CADM2: variants seen among roughly 807,000 people sequenced by gnomAD.
The protein encoded by CADM2 is immunoglobulin superfamily member 4D.
Under a neutral mutation model 49.8 loss-of-function variants are expected in CADM2, and 12 were observed. That is an observed-to-expected ratio of 0.24 (90% CI 0.15 to 0.39). The LOEUF (loss-of-function observed/expected upper bound fraction) is 0.39, where lower values mean the gene tolerates loss of function less well. Ranked by LOEUF, CADM2 falls within the 10% of genes least tolerant of loss-of-function variation. The pLI is 1.00. For missense variants in CADM2, 378 were observed against 492.3 expected, an observed-to-expected ratio of 0.77 and a Z score of 2.20; for synonymous variants, 214 against 175.4, an observed-to-expected ratio of 1.22 and a Z score of -1.74.
chr3:86,058,924 T>G (rs1185814527), intron 8 of CADM2, among the ~76,000 whole-genome samples: 1 of 151,844 alleles, frequency 6.6e-6, no homozygotes, highest in Non-Finnish European at 1.5e-5. Context: ...TGAAACCCTG[T>G]CTCCACTAAA....
intron 6 of CADM2, among the ~76,000 whole-genome samples, chr3:85,926,726 G>T (rs984236035): frequency 6.6e-6 from 1 of 152,096 alleles, no homozygotes; most frequent in Non-Finnish European, 1.5e-5. Flanking sequence ...AAATGAGACA[G>T]TGGGTGTATT....
At chr3:85,402,317 TAA>T (rs1486379138) in intron 1 of CADM2, among the ~76,000 whole-genome samples, 1 of 151,942 alleles carries the variant, frequency 6.6e-6, no homozygotes, top group Non-Finnish European at 1.5e-5. Context: ...TTTAAATATA[TAA>T]GTTCTATTAT....
At chr3:85,817,164 G>C (rs1033927154) in intron 3 of CADM2, among the ~76,000 whole-genome samples, 1 of 152,166 alleles carries the variant, frequency 6.6e-6, no homozygotes, top group Non-Finnish European at 1.5e-5. Flanking sequence ...GTACCAAAGT[G>C]TGGGTATTTT....
intron 1 of CADM2, among the ~76,000 whole-genome samples, chr3:85,488,416 T>C (rs2039520383): frequency 6.6e-6 from 1 of 152,220 alleles, no homozygotes; most frequent in Non-Finnish European, 1.5e-5. Flanking sequence ...GTAGCCGTGA[T>C]GGGAATTTTT....
At chr3:85,934,970 G>A (rs1721026878) in intron 6 of CADM2, among the ~76,000 whole-genome samples, 3 of 151,910 alleles carry the variant, frequency 2.0e-5, no homozygotes. Flanking sequence ...CATAAAGAAA[G>A]AATGTGTTAA....
intron 3 of CADM2, among the ~76,000 whole-genome samples, chr3:85,814,166 A>G (rs965091520): frequency 1.3e-5 from 2 of 152,078 alleles, no homozygotes; most frequent in Non-Finnish European, 2.9e-5. Flanking sequence ...GATTCTTCCT[A>G]TCCATGAGCA....
At chr3:85,268,319 G>T (rs1261876755) in intron 1 of CADM2, among the ~76,000 whole-genome samples, 1 of 151,024 alleles carries the variant, frequency 6.6e-6, no homozygotes, top group African/African-American at 2.4e-5. Context: ...AACTATATTT[G>T]GATTAAAATG....
intron 1 of CADM2, among the ~76,000 whole-genome samples, chr3:85,045,827 C>T (rs1391143024): frequency 1.3e-5 from 2 of 152,070 alleles, no homozygotes; most frequent in Non-Finnish European, 2.9e-5. Context: ...AATAACTATA[C>T]ATTGGAAAAA....
At chr3:85,379,364 A>AATAAAG (rs1357199676) in intron 1 of CADM2, among the ~76,000 whole-genome samples, 8 of 151,988 alleles carry the variant, frequency 5.3e-5, no homozygotes, top group African/African-American at 1.9e-4. Context: ...GATGAAGGTA[A>AATAAAG]AAATAAATGT....
rs551769224 is a variant in CADM2 at position 86,017,201 on chromosome 3, A to G, written c.971-48404A>G. The stretch of plus-strand genomic sequence containing the variant: ...ATATATATATATATATATAATTTAC[A>G]CTATATAGATATGAGGCAATATGTT... On this transcript the variant is annotated intron_variant, in intron 8 of 9. Coordinates refer to ENST00000383699, the MANE Select transcript of CADM2 (RefSeq NM_001167675.2). 2.1e-3 allele frequency among the ~76,000 whole-genome samples: 319 copies of G among 148,606 alleles called. No individual in the cohort carries two copies. The South Asian group carries it at 0.024, about 11-fold the overall frequency.
At chr3:86,000,027 T>C (rs546071325) in intron 8 of CADM2, among the ~76,000 whole-genome samples, 1 of 152,178 alleles carries the variant, frequency 6.6e-6, no homozygotes, top group African/African-American at 2.4e-5. Context: ...ATAAAGCCAC[T>C]AAGGGTTCAA....
At chr3:85,009,907 A>ATAAATATT (rs1346009783) in intron 1 of CADM2, among the ~76,000 whole-genome samples, 2 of 148,264 alleles carry the variant, frequency 1.3e-5, no homozygotes, top group Non-Finnish European at 3.0e-5. Flanking sequence ...AAATAAATAA[A>ATAAATATT]TATTTTAAAA....
intron 1 of CADM2, among the ~76,000 whole-genome samples, chr3:85,011,650 C>T (rs1374676702): frequency 6.6e-6 from 1 of 151,982 alleles, no homozygotes; most frequent in East Asian, 1.9e-4. Context: ...ATGTTTAAAA[C>T]CTTTTGGGGG....
At chr3:85,472,405 C>G (rs76605790) in intron 1 of CADM2, among the ~76,000 whole-genome samples, 12,207 of 151,874 alleles carry the variant, frequency 0.08, 945 homozygotes, top group African/African-American at 0.18. Context: ...CACACAGAAA[C>G]ACACATACAC....
chr3:85,283,416 T>A (rs1223218021), intron 1 of CADM2, among the ~76,000 whole-genome samples: 4 of 151,862 alleles, frequency 2.6e-5, no homozygotes, highest in Non-Finnish European at 5.9e-5. Context: ...CATCATTTAA[T>A]TCTGTAAATG....
chr3:85,212,812 C>CTCCT (rs1553696299), intron 1 of CADM2, among the ~76,000 whole-genome samples: 8 of 102,542 alleles, frequency 7.8e-5, no homozygotes, highest in Non-Finnish European at 1.4e-4. Flanking sequence ...TCTTTTTCTT[C>CTCCT]TCTTTCTTTC....
intron 8 of CADM2, chr3:86,013,149 C>G: frequency 7.4e-7 from 1 of 1,345,664 alleles, no homozygotes; most frequent in Non-Finnish European, 1.1e-6. Context: ...ACACAGAAAA[C>G]GAATAAAAGA....
At chr3:85,015,897 T>C (rs2034230598) in intron 1 of CADM2, among the ~76,000 whole-genome samples, 1 of 152,104 alleles carries the variant, frequency 6.6e-6, no homozygotes, top group South Asian at 2.1e-4. Context: ...ATTCACAAAA[T>C]TGTCATGCTT....
chr3:85,562,178 TAAC>T (rs2062113332), intron 1 of CADM2, among the ~76,000 whole-genome samples: 1 of 152,118 alleles, frequency 6.6e-6, no homozygotes, highest in Admixed American at 6.6e-5. Context: ...AATCTCCTCG[TAAC>T]AACATTAATT....
Sources: gnomAD v4.1 joint callset for allele counts (sites outside exome capture counted in the v4.1 genomes callset) on GRCh38, gnomAD v4.1.1 for gene constraint, MANE v1.5 for transcripts, NCBI Gene and HGNC (gene_info 2026-07-23, HGNC 2026-07-21) for gene names.